KLHDC4: variants seen among roughly 807,000 people sequenced by gnomAD.
KLHDC4 encodes kelch domain containing 4.
Under a neutral mutation model 62.4 loss-of-function variants are expected in KLHDC4, and 90 were observed. The observed-to-expected ratio is 1.44, with a 90% confidence interval of 1.22 to 1.72. KLHDC4 has a LOEUF of 1.72. KLHDC4 is among the 40% of genes most tolerant of loss of function. The pLI, the probability that KLHDC4 is intolerant of heterozygous loss-of-function variation, is 0.00. For synonymous variants in KLHDC4, 386 were observed against 284.4 expected (o/e 1.36, Z -3.59); for missense variants, 1,025 against 699.7 (o/e 1.47, Z -5.25).
downstream of KLHDC4, chr16:87,703,044 T>C (rs947990461): frequency 6.6e-6 from 1 of 152,262 alleles, no homozygotes; most frequent in Non-Finnish European, 1.5e-5. Context: ...TAATAAACAA[T>C]GTCGTGTGAC....
chr16:87,722,845 A>C (rs1377577041), intron 7 of KLHDC4, among the ~76,000 whole-genome samples: 1 of 152,208 alleles, frequency 6.6e-6, no homozygotes, highest in Non-Finnish European at 1.5e-5. Context: ...AGTGCATGGC[A>C]GTGGGCAGGG....
chr16:87,718,177 C>G (rs983065747), intron 7 of KLHDC4, among the ~76,000 whole-genome samples: 1 of 152,184 alleles, frequency 6.6e-6, no homozygotes. Flanking sequence ...CAGACAACGG[C>G]CTTGTTGCCC....
chr16:87,742,669 G>A lies in KLHDC4; in HGVS notation c.506+6004C>T, dbSNP rs985446003. Reference sequence around the variant, plus strand: ...CCTGCTCTGAATGGGACTGATGTCCGGAGTGGGAGGGCAGGAAGGAGCAGT... The same window carrying A: ...CCTGCTCTGAATGGGACTGATGTCCAGAGTGGGAGGGCAGGAAGGAGCAGT... On this transcript the variant is annotated intron_variant, in intron 5 of 11. Coordinates refer to ENST00000270583, the MANE Select transcript of KLHDC4 (RefSeq NM_017566.4). Among the ~76,000 whole-genome samples, 16 of 152,240 alleles carry A rather than the reference G, an allele frequency of 1.1e-4. No individual in the cohort carries two copies. In the South Asian group the frequency reaches 1.7e-3, roughly 16 times the overall value.
chr16:87,755,274 G>T lies in KLHDC4; in HGVS notation c.289C>A (p.Leu97Ile). The T allele has an allele frequency of 1.2e-6, 2 of 1,601,262 alleles. No individual in the cohort carries two copies. Among genetic ancestry groups the T allele is most frequent in the Non-Finnish European group, 1.7e-6 (2 of 1,168,714 alleles). ...NGQKTFLYNELYVYNTRKDTW... is the reference protein window; with the variant it reads ...NGQKTFLYNEIYVYNTRKDTW... ...TCCTTTCTGGTATTGTAGACATAGAGCTCGTTATACAAAAAAGTCTACAGG... is the reference window on the plus strand; with the variant it reads ...TCCTTTCTGGTATTGTAGACATAGATCTCGTTATACAAAAAAGTCTACAGG... Residue 97 changes from leucine (L) to isoleucine (I), a missense_variant, in exon 4 of 12, where the codon CTC becomes ATC. Physicochemically the swap from Leu to Ile is conservative, Grantham distance 5. Coordinates refer to ENST00000270583, the MANE Select transcript of KLHDC4 (RefSeq NM_017566.4).
intron 2 of KLHDC4, among the ~76,000 whole-genome samples, chr16:87,758,339 T>C (rs909697757): frequency 3.9e-5 from 6 of 152,288 alleles, no homozygotes; most frequent in African/African-American, 4.8e-5. Context: ...ACAAACACAA[T>C]GTGGCATACC....
chr16:87,702,654 G>C (rs2034202746), upstream of KLHDC4: 2 of 236,196 alleles, frequency 8.5e-6, no homozygotes. Context: ...AACCACAGGG[G>C]CCTCTCTGCT....
intron 9 of KLHDC4, chr16:87,710,936 A>C: frequency 2.7e-6 from 1 of 376,712 alleles, no homozygotes; most frequent in South Asian, 3.7e-5. Context: ...CCACACCAGG[A>C]CCTCCAGCAA....
chr16:87,752,183 G>C (rs1205321109), intron 4 of KLHDC4, among the ~76,000 whole-genome samples: 1 of 149,946 alleles, frequency 6.7e-6, no homozygotes, highest in African/African-American at 2.4e-5. Context: ...GAGGCAGGAG[G>C]ATCGTTTGAG....
rs777056240 is a variant in KLHDC4, at chr16:87,762,026, C to A, written c.114G>T (p.Ala38=). ...CGAGTGTCTGGAAATGGGCTATGAG[C>A]GCTTCCAGGTCTTCCTAGGGCAAGC... The part of the protein sequence containing the change: ...RSRKEEEDLE[A]LIAHFQTLDA... Residue 38 remains alanine, a synonymous_variant, in exon 2 of 12, where the codon GCG becomes GCT. Coordinates refer to ENST00000270583, the MANE Select transcript of KLHDC4 (RefSeq NM_017566.4). 3 of 1,613,746 alleles carry A rather than the reference C, an allele frequency of 1.9e-6. No homozygotes were observed. The highest frequency in any genetic ancestry group is 2.7e-5 in the African/African-American group (2 of 74,894).
chr16:87,758,544 G>T (rs1419556955), intron 2 of KLHDC4, among the ~76,000 whole-genome samples: 1 of 152,182 alleles, frequency 6.6e-6, no homozygotes, highest in African/African-American at 2.4e-5. Context: ...GGGGGCTGGG[G>T]GAGGGGAAAC....
Position 87,709,454 on chromosome 16 carries a change from C to G in KLHDC4, c.1258G>C (p.Glu420Gln), listed in dbSNP as rs1230137502. ...CCAGGTGCGGGGCTGCCGGCCTCCT[C>G]AAGGCTGTCTTCGTCCTCAGACCGG... ...QPRSEDEDSL[E>Q]EAGSPAPGPC... Residue 420 changes from glutamate (E) to glutamine (Q), a missense_variant, in exon 10 of 12, where the codon GAG (glutamate) becomes CAG (glutamine). Transcript: ENST00000270583. The G allele has an allele frequency of 1.2e-6, 2 of 1,612,260 alleles. No homozygotes were observed. The highest frequency in any genetic ancestry group is 2.2e-5 in the East Asian group (1 of 44,870).
downstream of KLHDC4, among the ~76,000 whole-genome samples, chr16:87,706,761 C>T (rs576626589): frequency 7.9e-5 from 12 of 152,292 alleles, no homozygotes; most frequent in African/African-American, 2.4e-4. Context: ...AAGAGCTGGC[C>T]GAGTGCCCCT....
chr16:87,752,443 T>G (rs2044159242), intron 4 of KLHDC4, among the ~76,000 whole-genome samples: 1 of 151,346 alleles, frequency 6.6e-6, no homozygotes, highest in African/African-American at 2.4e-5. Flanking sequence ...TTCAAGCGAT[T>G]CTCCTGCCTC....
Position 87,711,245 on chromosome 16 carries a change from C to CCGAG in KLHDC4, c.1033_1034insCTCG (p.Gly345AlafsTer10), listed in dbSNP as rs750900065. 5 of 1,614,088 alleles carry CCGAG rather than the reference C, an allele frequency of 3.1e-6. No individual in the cohort carries two copies. The highest frequency in any genetic ancestry group is 3.3e-4 in the Middle Eastern group (2 of 6,062). On this transcript the variant is annotated frameshift_variant, in exon 9 of 12. Transcript: ENST00000270583. LOFTEE classifies it high-confidence loss of function. ...CAGAGGTTGCACTACCTTCAGCTGT[C>CCGAG]CCTCAAACCAACGGTTCCTGGTGGC...
intron 7 of KLHDC4, among the ~76,000 whole-genome samples, chr16:87,725,336 T>A (rs914101178): frequency 9.2e-5 from 14 of 152,122 alleles, no homozygotes; most frequent in African/African-American, 3.4e-4. Flanking sequence ...CGGCTAATTT[T>A]TTGTATTTTT....
chr16:87,701,822 T>C (rs751548599), exon 1 of KLHDC4: 3 of 456,694 alleles, frequency 6.6e-6, no homozygotes, highest in African/African-American at 4.0e-5. Flanking sequence ...GGCCTCCAGC[T>C]GCACCACCAC....
intron 3 of KLHDC4, chr16:87,756,054 G>C (rs896809435): frequency 5.3e-6 from 1 of 188,220 alleles, no homozygotes; most frequent in Non-Finnish European, 1.1e-5. Context: ...AGCACTTTCC[G>C]TGTTTAAGAC....
exon 1 of KLHDC4, chr16:87,700,881 C>A (rs564974642): frequency 8.9e-6 from 2 of 225,276 alleles, no homozygotes; most frequent in African/African-American, 2.6e-5. Context: ...GGTTGGAGGG[C>A]GGAGGGAGGA....
chr16:87,709,947 G>A (rs2035454488), intron 9 of KLHDC4: 1 of 460,200 alleles, frequency 2.2e-6, no homozygotes, highest in African/African-American at 1.9e-5. Context: ...TCCACTGAGA[G>A]GTGGACAGGC....
Sources: gnomAD v4.1 joint callset for allele counts (sites outside exome capture counted in the v4.1 genomes callset) on GRCh38, gnomAD v4.1.1 for gene constraint, MANE v1.5 for transcripts, NCBI Gene and HGNC (gene_info 2026-07-23, HGNC 2026-07-21) for gene names.